UGGT1: variants seen among roughly 807,000 people sequenced by gnomAD.
The protein encoded by UGGT1 is UDP-glucose:glycoprotein glucosyltransferase 1.
A neutral mutation model predicts 203.9 loss-of-function variants in UGGT1; 107 were observed. That is an observed-to-expected ratio of 0.52 (90% CI 0.45 to 0.62). The LOEUF (loss-of-function observed/expected upper bound fraction) is 0.62, where lower values mean the gene tolerates loss of function less well. Among genes scored for constraint, UGGT1 ranks in the 20% least tolerant of loss-of-function variants. The pLI is 0.00. For missense variants in UGGT1, 1,673 were observed against 1,867.2 expected, an observed-to-expected ratio of 0.90 and a Z score of 1.92; for synonymous variants, 628 against 653.5, an observed-to-expected ratio of 0.96 and a Z score of 0.59.
intron 17 of UGGT1, among the ~76,000 whole-genome samples, chr2:128,143,772 AG>A (rs1397253341): frequency 1.3e-5 from 2 of 152,098 alleles, no homozygotes; most frequent in Non-Finnish European, 2.9e-5. Flanking sequence ...AGTACTCTTA[AG>A]GCAGGGATGT....
chr2:128,107,205 TA>T (rs5834197), intron 3 of UGGT1, among the ~76,000 whole-genome samples: 136,699 of 151,876 alleles, frequency 0.9, 62,299 homozygotes, highest in Non-Finnish European at 0.98. Flanking sequence ...TCTACTGGTT[TA>T]AAAAAAAAGT....
chr2:128,105,670 G>A (rs1330669917), intron 3 of UGGT1, among the ~76,000 whole-genome samples: 2 of 151,646 alleles, frequency 1.3e-5, no homozygotes, highest in African/African-American at 2.4e-5. Flanking sequence ...GCCCACCATC[G>A]CGCCCAGCTA....
chr2:128,150,668 C>CTGTT (rs1553440941), intron 18 of UGGT1, among the ~76,000 whole-genome samples: 28 of 136,710 alleles, frequency 2.0e-4, no homozygotes, highest in East Asian at 1.7e-3. Context: ...TAATTAATAA[C>CTGTT]TTTTTTTTTT....
intron 37 of UGGT1, among the ~76,000 whole-genome samples, chr2:128,183,241 A>G (rs770653278): frequency 6.6e-6 from 1 of 152,188 alleles, no homozygotes; most frequent in Non-Finnish European, 1.5e-5. Context: ...TGCAGAGATC[A>G]CTGCTGGGGT....
intron 13 of UGGT1, 139 bp from the exon 14 acceptor site, chr2:128,133,002 C>T (rs1014320208): frequency 9.1e-7 from 1 of 1,093,862 alleles, no homozygotes; most frequent in Non-Finnish European, 1.3e-6. Flanking sequence ...CCACTCACTG[C>T]AGCCAATCTT....
chr2:128,162,793 G>T (rs1690590568), intron 25 of UGGT1, among the ~76,000 whole-genome samples: 1 of 152,178 alleles, frequency 6.6e-6, no homozygotes, highest in Non-Finnish European at 1.5e-5. Context: ...GTCTTCTTGG[G>T]CTATATAACT....
chr2:128,162,327 C>A (rs1403853305), intron 25 of UGGT1, among the ~76,000 whole-genome samples: 1 of 149,752 alleles, frequency 6.7e-6, no homozygotes, highest in Admixed American at 6.7e-5. Flanking sequence ...GAGATGTGTT[C>A]TTTGATGCAT....
In UGGT1 at chr2:128,181,012, C is replaced by T. The variant is rs1691666003; in HGVS notation, c.4023C>T (p.Leu1341=). ...KQRIIWGYKI[L]FLDVLFPLVV... ...GTATCATCTGGGGTTACAAGATCCT[C>T]TTCCTGGATGTACTTTTCCCACTAG... Residue 1341 remains leucine, a synonymous_variant, in exon 36 of 41, where the codon CTC becomes CTT. Transcript: ENST00000259253. 2 of 1,614,066 alleles carry T rather than the reference C, an allele frequency of 1.2e-6. No homozygotes were observed. The highest frequency in any genetic ancestry group is 1.7e-6 in the Non-Finnish European group (2 of 1,180,036).
At chr2:128,098,406 G>T (rs555558408) in intron 2 of UGGT1, among the ~76,000 whole-genome samples, 2 of 152,328 alleles carry the variant, frequency 1.3e-5, no homozygotes, top group Admixed American at 6.5e-5. Context: ...GCTGGCATGT[G>T]CCTGAGCATC....
At chr2:128,135,010 A>G in intron 15 of UGGT1, 49 bp downstream of exon 15, 1 of 1,518,038 alleles carries the variant, frequency 6.6e-7, no homozygotes, top group Non-Finnish European at 9.1e-7. Context: ...CTGAGGTTTT[A>G]TTTGTCATTT....
chr2:128,091,671 G>A, intron 1 of UGGT1: 1 of 1,170,340 alleles, frequency 8.5e-7, no homozygotes. Context: ...TTAGATCCTT[G>A]TGCCAAGTGC....
At chr2:128,188,303 C>G (rs754615130) in intron 40 of UGGT1, among the ~76,000 whole-genome samples, 1 of 152,080 alleles carries the variant, frequency 6.6e-6, no homozygotes, top group Non-Finnish European at 1.5e-5. Context: ...CTCAGCCTCC[C>G]AAAGTGCTAG....
intron 13 of UGGT1, among the ~76,000 whole-genome samples, chr2:128,130,892 C>G (rs2105420366): frequency 6.6e-6 from 1 of 152,256 alleles, no homozygotes; most frequent in Non-Finnish European, 1.5e-5. Context: ...TCCTGAATAG[C>G]TGGAACCATA....
intron 17 of UGGT1, among the ~76,000 whole-genome samples, chr2:128,145,034 TTC>T (rs953650337): frequency 3.3e-5 from 5 of 152,200 alleles, no homozygotes; most frequent in African/African-American, 1.2e-4. Flanking sequence ...CCCCAGTATT[TTC>T]TGGCCAGTGA....
At chr2:128,144,784 A>G (rs1167011415) in intron 17 of UGGT1, among the ~76,000 whole-genome samples, 3 of 152,192 alleles carry the variant, frequency 2.0e-5, no homozygotes, top group South Asian at 2.1e-4. Context: ...GATGACTCGG[A>G]TTAGTTACCC....
Position 128,189,813 on chromosome 2 carries a change from T to C in UGGT1, c.*71T>C, listed in dbSNP as rs1378830180. ...TATAATAAATGCTAGTTTTTTCTGATCTGTCTATACAACTGCTGATAAGCC... is the reference window on the plus strand; with the variant it reads ...TATAATAAATGCTAGTTTTTTCTGACCTGTCTATACAACTGCTGATAAGCC... On this transcript the variant is annotated 3_prime_UTR_variant, in exon 41 of 41. Coordinates refer to ENST00000259253, the MANE Select transcript of UGGT1 (RefSeq NM_020120.4). 2 of 1,569,816 alleles carry C rather than the reference T, an allele frequency of 1.3e-6. No homozygotes were observed. Among genetic ancestry groups the C allele is most frequent in the Middle Eastern group, 1.7e-4 (1 of 5,996 alleles).
intron 38 of UGGT1, 22 bp from the exon 39 acceptor site, chr2:128,186,661 T>C: frequency 6.4e-7 from 1 of 1,563,064 alleles, no homozygotes; most frequent in Non-Finnish European, 8.7e-7. Context: ...TATTTTATTT[T>C]TATTTTTTTT....
intron 12 of UGGT1, 49 bp from the exon 13 acceptor site, chr2:128,128,980 T>G (rs1167945795): frequency 2.7e-6 from 4 of 1,479,278 alleles, no homozygotes; most frequent in Non-Finnish European, 2.7e-6. Flanking sequence ...AGAATTTTTT[T>G]TAAAAGCTTT....
intron 26 of UGGT1, among the ~76,000 whole-genome samples, chr2:128,169,501 C>T (rs1222864762): frequency 6.6e-6 from 1 of 152,214 alleles, no homozygotes. Flanking sequence ...GTTGACAATA[C>T]TTATTAGCCG....
Sources: gnomAD v4.1 joint callset for allele counts (sites outside exome capture counted in the v4.1 genomes callset) on GRCh38, gnomAD v4.1.1 for gene constraint, MANE v1.5 for transcripts, NCBI Gene and HGNC (gene_info 2026-07-23, HGNC 2026-07-21) for gene names.